The following BMPR1A variants were observed in gnomAD, a reference collection of about 807,000 sequenced individuals.
The protein encoded by BMPR1A is bone morphogenetic protein receptor type-1A.
In BMPR1A, 7 loss-of-function variants were observed where a neutral mutation model predicts 66.0. The ratio of observed to expected loss-of-function variants is 0.11; its 90% confidence interval spans 0.06 to 0.20. BMPR1A has a LOEUF of 0.20. Ranked by LOEUF, BMPR1A falls within the 10% of genes least tolerant of loss-of-function variation. The pLI is 1.00. For missense variants in BMPR1A, 408 were observed against 669.1 expected (o/e 0.61, Z 4.31); for synonymous variants, 200 against 229.7 (o/e 0.87, Z 1.17).
Position 86,802,529 on chromosome 10 carries a change from A to G in BMPR1A, c.-267-36336A>G, listed in dbSNP as rs150123795. ...ATTTGACGTGGGATGTCACATTCAA[A>G]TAAGCAGTTTTTTCCCCTTTAGAAC... On this transcript the variant is annotated intron_variant, in intron 1 of 12. Coordinates refer to ENST00000372037, the MANE Select transcript of BMPR1A (RefSeq NM_004329.3). 2.6e-4 allele frequency among the ~76,000 whole-genome samples: 39 copies of G among 152,346 alleles called. No homozygotes were observed. In the East Asian group the frequency reaches 7.1e-3, roughly 28 times the overall value.
intron 1 of BMPR1A, among the ~76,000 whole-genome samples, chr10:86,790,555 G>A (rs912051843): frequency 3.9e-5 from 6 of 151,906 alleles, no homozygotes; most frequent in East Asian, 1.9e-4. Flanking sequence ...ATGTCCAACC[G>A]ATAAATAGAT....
At chr10:86,868,738 CTGT>C (rs1842815694) in intron 2 of BMPR1A, among the ~76,000 whole-genome samples, 1 of 146,042 alleles carries the variant, frequency 6.8e-6, no homozygotes, top group Admixed American at 6.7e-5. Context: ...TGACTTTACT[CTGT>C]AGTCTGTTTT....
chr10:86,763,830 C>T (rs907063577), intron 1 of BMPR1A, among the ~76,000 whole-genome samples: 2 of 127,182 alleles, frequency 1.6e-5, no homozygotes, highest in Non-Finnish European at 3.1e-5. Flanking sequence ...CTCGCTCTGT[C>T]GCCCAGGCTG....
At chr10:86,789,424 C>T (rs1841567081) in intron 1 of BMPR1A, among the ~76,000 whole-genome samples, 1 of 152,012 alleles carries the variant, frequency 6.6e-6, no homozygotes, top group Non-Finnish European at 1.5e-5. Flanking sequence ...ATAAAGAACA[C>T]ATAACTGGCT....
chr10:86,904,426 A>C (rs897675780), intron 7 of BMPR1A, among the ~76,000 whole-genome samples: 3 of 152,248 alleles, frequency 2.0e-5, no homozygotes, highest in African/African-American at 7.2e-5. Flanking sequence ...CAGTGCAGTC[A>C]AGAAGATAGC....
chr10:86,833,515 G>A (rs1212588031), intron 1 of BMPR1A, among the ~76,000 whole-genome samples: 1 of 152,150 alleles, frequency 6.6e-6, no homozygotes, highest in African/African-American at 2.4e-5. Flanking sequence ...GCAGAGGGAG[G>A]TGGGGCTTGT....
At chr10:86,757,752 C>T (rs947703944) in intron 1 of BMPR1A, among the ~76,000 whole-genome samples, 1 of 152,172 alleles carries the variant, frequency 6.6e-6, no homozygotes, top group Admixed American at 6.5e-5. Flanking sequence ...TACAACGATT[C>T]TGGTTTATTG....
rs1843396784 is a variant in BMPR1A at position 86,906,740 on chromosome 10, A to AAAAAAAC, written c.531-5494_531-5493insCAAAAAA. 2.5e-5 allele frequency among the ~76,000 whole-genome samples: 3 copies of AAAAAAAC among 120,336 alleles called. 1 individual carries two copies. The highest frequency in any genetic ancestry group is 6.0e-5 in the Non-Finnish European group (3 of 50,214). The allele number at this position is 120,336 out of a possible 152,430, so 78.9% of individuals were successfully genotyped here. ...CTCCGTCTCAAAAAAAAAAAAAAAAAAAAAAAAAAAAAAAAAAAAAAACAC... is the reference window on the plus strand; with the variant it reads ...CTCCGTCTCAAAAAAAAAAAAAAAAAAAAAAACAAAAAAAAAAAAAAAAAAAAAACAC... On this transcript the variant is annotated intron_variant, in intron 7 of 12. Transcript: ENST00000372037.
In BMPR1A at chr10:86,846,721, A is replaced by AC. The variant is rs1564701956; in HGVS notation, c.-153+7742_-153+7743insC. Among the ~76,000 whole-genome samples, 330 of 151,562 alleles carry AC rather than the reference A, an allele frequency of 2.2e-3. 2 individuals are homozygous for AC. Among genetic ancestry groups the AC allele is most frequent in the African/African-American group, 7.5e-3 (311 of 41,280 alleles). On this transcript the variant is annotated intron_variant, in intron 2 of 12. Transcript: ENST00000372037. ...GTCCCCCGCCGCCCACACACACACA[A>AC]AAAAAATTAACCACACACCCACTTG...
At chr10:86,827,730 A>C (rs1265108348) in intron 1 of BMPR1A, among the ~76,000 whole-genome samples, 1 of 152,192 alleles carries the variant, frequency 6.6e-6, no homozygotes, top group Non-Finnish European at 1.5e-5. Flanking sequence ...GTTTTAGCCT[A>C]TTTAGTTAGA....
intron 3 of BMPR1A, among the ~76,000 whole-genome samples, chr10:86,876,444 T>C (rs1842922754): frequency 6.6e-6 from 1 of 152,118 alleles, no homozygotes; most frequent in Non-Finnish European, 1.5e-5. Context: ...AAAATTCCTC[T>C]CTCCTTTAAA....
At chr10:86,800,778 C>A (rs1841801490) in intron 1 of BMPR1A, among the ~76,000 whole-genome samples, 1 of 152,238 alleles carries the variant, frequency 6.6e-6, no homozygotes, top group East Asian at 1.9e-4. Flanking sequence ...TGTCAAAAGT[C>A]CTGTTTCTTA....
At position 86,857,441 on chromosome 10, in the gene BMPR1A, G is replaced by A. The variant is rs536173667; in HGVS notation, c.-152-18426G>A. 1.2e-4 allele frequency among the ~76,000 whole-genome samples: 19 copies of A among 152,292 alleles called. No individual in the cohort carries two copies. The South Asian group carries it at 3.1e-3, about 25-fold the overall frequency. On this transcript the variant is annotated intron_variant, in intron 2 of 12. Transcript: ENST00000372037. ...AATTGAAATTATCCCAGGAATGCAA[G>A]ATAAGTGTGTTAATTATCATTGCTG...
At position 86,792,970 on chromosome 10, in the gene BMPR1A, T is replaced by C. The variant is rs535520430; in HGVS notation, c.-268+36051T>C. Among the ~76,000 whole-genome samples the C allele has an allele frequency of 1.0e-3, 156 of 152,268 alleles. 2 individuals are homozygous for C. In the South Asian group the frequency reaches 0.031, roughly 31 times the overall value. ...ATGTCTAGTGCAGCTTCTTGGCAAA[T>C]ACTCTGTTCAGTGATTCACATTCTG... On this transcript the variant is annotated intron_variant, in intron 1 of 12. Transcript: ENST00000372037.
At chr10:86,922,798 G>A (rs12765929) in intron 11 of BMPR1A, among the ~76,000 whole-genome samples, 4 of 152,162 alleles carry the variant, frequency 2.6e-5, no homozygotes, top group Admixed American at 6.5e-5. Context: ...GAAAGCAGAC[G>A]TGCAGTACAC....
rs1554886240 is a variant in BMPR1A, at chr10:86,868,778, G to GTTTTTTTTTTGTT, written c.-152-7079_-152-7078insGTTTTTTTTTTTT. On this transcript the variant is annotated intron_variant, in intron 2 of 12. Transcript: ENST00000372037. Reference sequence around the variant, plus strand: ...TCAACTGACTTCAGCCTTTTCCTGTGTTTTTTTTTTTTTAAGTTCCAATTG... The same window carrying GTTTTTTTTTTGTT: ...TCAACTGACTTCAGCCTTTTCCTGTGTTTTTTTTTTGTTTTTTTTTTTTTTTAAGTTCCAATTG... Among the ~76,000 whole-genome samples the GTTTTTTTTTTGTT allele has an allele frequency of 5.2e-4, 73 of 141,046 alleles. 1 individual carries two copies. The highest frequency in any genetic ancestry group is 1.0e-3 in the Non-Finnish European group (65 of 64,904). 92.5% of individuals were successfully genotyped at this position (141,046 alleles called of 152,430 possible).
At chr10:86,767,506 C>T (rs978065044) in intron 1 of BMPR1A, among the ~76,000 whole-genome samples, 3 of 152,082 alleles carry the variant, frequency 2.0e-5, no homozygotes, top group Non-Finnish European at 4.4e-5. Context: ...TGTTGAGACT[C>T]TGTCTCTACA....
chr10:86,756,131 A>G (rs1325672061), upstream of BMPR1A: 1 of 152,170 alleles, frequency 6.6e-6, no homozygotes, highest in Non-Finnish European at 1.5e-5. Context: ...GGAGGGGTCC[A>G]CGCGAAAGAG....
intron 1 of BMPR1A, among the ~76,000 whole-genome samples, chr10:86,767,943 C>G (rs934378590): frequency 6.6e-6 from 1 of 152,178 alleles, no homozygotes; most frequent in African/African-American, 2.4e-5. Context: ...ATTTGTCTTT[C>G]CTACATGTTA....
Sources: allele counts gnomAD v4.1 joint callset (sites outside exome capture counted in the v4.1 genomes callset), GRCh38; gene constraint gnomAD v4.1.1; transcripts MANE v1.5; gene names NCBI Gene and HGNC (gene_info 2026-07-23, HGNC 2026-07-21).